TMEM44: variants seen among roughly 807,000 people sequenced by gnomAD.
TMEM44 encodes transmembrane protein 44.
Under a neutral mutation model 47.8 loss-of-function variants are expected in TMEM44, and 43 were observed. The ratio of observed to expected loss-of-function variants is 0.90; its 90% CI spans 0.70 to 1.16. The LOEUF is 1.16. Ranked by LOEUF, TMEM44 falls within the 50% of genes most tolerant of loss-of-function variation. TMEM44 has a pLI of 0.00. For missense variants in TMEM44, 568 were observed against 555.2 expected (o/e 1.02, Z -0.23); for synonymous variants, 277 against 238.8 (o/e 1.16, Z -1.48).
intron 5 of TMEM44, among the ~76,000 whole-genome samples, chr3:194,619,250 G>A (rs1383050692): frequency 6.6e-6 from 1 of 152,230 alleles, no homozygotes; most frequent in South Asian, 2.1e-4. Flanking sequence ...GGTCAGTCCT[G>A]GGGCCGACCC....
chr3:194,623,247 G>A lies in TMEM44; in HGVS notation c.589C>T (p.Arg197Trp), dbSNP rs929714156. 7.4e-6 allele frequency: 12 copies of A among 1,610,796 alleles called. No homozygotes were observed. The highest frequency in any genetic ancestry group is 4.5e-5 in the East Asian group (2 of 44,766). ...SVAAFGSWAS[R>W]IPPLSRICRG... ...ACAATTCTGGAGAGAGGGGGGATCC[G>A]AGAAGCCCAGGAGCCAAAGGCAGCA... Residue 197 changes from arginine (R) to tryptophan (W), a missense_variant, in exon 5 of 10, where the codon CGG (arginine) becomes TGG (tryptophan). Physicochemically the swap from Arg to Trp is moderately radical, Grantham distance 101. Coordinates refer to ENST00000347147, the MANE Select transcript of TMEM44 (RefSeq NM_001011655.3).
In TMEM44 at chr3:194,592,000, T is replaced by C. The variant is rs1228349385; in HGVS notation, c.1177-3361A>G. 2.6e-5 allele frequency among the ~76,000 whole-genome samples: 4 copies of C among 152,012 alleles called. No individual in the cohort carries two copies. The East Asian group carries it at 7.8e-4, about 30-fold the overall frequency. ...TTGGGAGGCCGAGGCGGGTGGATCATGAGGTCAGGAGATCGAGACCATCCT... is the reference window on the plus strand; with the variant it reads ...TTGGGAGGCCGAGGCGGGTGGATCACGAGGTCAGGAGATCGAGACCATCCT... On this transcript the variant is annotated intron_variant, in intron 9 of 9. Coordinates refer to ENST00000347147, the MANE Select transcript of TMEM44 (RefSeq NM_001011655.3).
At chr3:194,609,681 C>T (rs920960400) in intron 8 of TMEM44, among the ~76,000 whole-genome samples, 1 of 152,096 alleles carries the variant, frequency 6.6e-6, no homozygotes, top group African/African-American at 2.4e-5. Context: ...CTGCCTCCCT[C>T]ACCCGCACCT....
chr3:194,625,333 C>A lies in TMEM44; in HGVS notation c.358+564G>T, dbSNP rs370310666. 7.2e-5 allele frequency among the ~76,000 whole-genome samples: 11 copies of A among 152,236 alleles called. No individual in the cohort carries two copies. In the South Asian group the frequency reaches 2.3e-3, roughly 32 times the overall value. ...GTGGCCCCAGCTCTAGTGCCCCATGCTTCCTTGACACCAGCAGCCCTTCCC... is the reference window on the plus strand; with the variant it reads ...GTGGCCCCAGCTCTAGTGCCCCATGATTCCTTGACACCAGCAGCCCTTCCC... On this transcript the variant is annotated intron_variant, in intron 3 of 9. Transcript: ENST00000347147.
At chr3:194,598,782 G>A (rs879380172) in intron 9 of TMEM44, among the ~76,000 whole-genome samples, 1 of 152,170 alleles carries the variant, frequency 6.6e-6, no homozygotes, top group Admixed American at 6.5e-5. Flanking sequence ...CCAAGAACTT[G>A]GACATAAAAC....
At chr3:194,627,648 G>A (rs1717319024) in intron 2 of TMEM44, among the ~76,000 whole-genome samples, 1 of 152,128 alleles carries the variant, frequency 6.6e-6, no homozygotes, top group African/African-American at 2.4e-5. Context: ...CCTTGCCCTT[G>A]TAGAGCTGAC....
chr3:194,591,312 G>C (rs968324652), intron 9 of TMEM44, among the ~76,000 whole-genome samples: 17 of 151,984 alleles, frequency 1.1e-4, no homozygotes, highest in African/African-American at 4.1e-4. Flanking sequence ...GGCCAACATG[G>C]TGAAACCCCA....
At chr3:194,606,526 G>C (rs948963372) in intron 8 of TMEM44, among the ~76,000 whole-genome samples, 1 of 152,056 alleles carries the variant, frequency 6.6e-6, no homozygotes, top group Non-Finnish European at 1.5e-5. Context: ...TCCCTGAATC[G>C]GGCAGGCTTA....
At chr3:194,628,074 C>T (rs1270890802) in intron 2 of TMEM44, among the ~76,000 whole-genome samples, 2 of 152,176 alleles carry the variant, frequency 1.3e-5, no homozygotes, top group African/African-American at 2.4e-5. Context: ...TCTGGATTCC[C>T]TTATTCTAAT....
Position 194,633,156 on chromosome 3 carries a change from G to A in TMEM44, c.60C>T (p.Cys20=). ...ALWDWDYLDR[C]FARHRVCISF... ...AGATGCAGACGCGGTGGCGGGCGAA[G>A]CAGCGGTCCAGGTAGTCCCAGTCCC... is the stretch of plus-strand genomic sequence containing the variant. The change falls in exon 1 of 10, where the codon TGC becomes TGT. Residue 20 remains cysteine, a synonymous_variant. Transcript: ENST00000347147. 1 of 1,549,062 alleles carries A rather than the reference G, an allele frequency of 6.5e-7. No individual in the cohort carries two copies.
intron 1 of TMEM44, among the ~76,000 whole-genome samples, chr3:194,630,720 G>A (rs574850237): frequency 1.1e-4 from 16 of 146,958 alleles, no homozygotes; most frequent in East Asian, 6.1e-4. Flanking sequence ...ATACGCTGTC[G>A]TACCTGCCTC....
In TMEM44 at chr3:194,591,066, C is replaced by T. The variant is rs544496747; in HGVS notation, c.1177-2427G>A. Reference sequence around the variant, plus strand: ...AAAATTAGCCAAGTATAGTGGTGGGCGCCCGTAATCCCAGCTACTTGGGAG... The same window carrying T: ...AAAATTAGCCAAGTATAGTGGTGGGTGCCCGTAATCCCAGCTACTTGGGAG... On this transcript the variant is annotated intron_variant, in intron 9 of 9. Coordinates refer to ENST00000347147, the MANE Select transcript of TMEM44 (RefSeq NM_001011655.3). Among the ~76,000 whole-genome samples, 205 of 150,570 alleles carry T rather than the reference C, an allele frequency of 1.4e-3. 1 individual carries two copies. The highest frequency in any genetic ancestry group is 4.4e-3 in the South Asian group (21 of 4,744).
intron 8 of TMEM44, among the ~76,000 whole-genome samples, chr3:194,607,093 G>A (rs1050771931): frequency 1.3e-5 from 2 of 152,218 alleles, no homozygotes; most frequent in African/African-American, 2.4e-5. Context: ...AGTGTTGGAA[G>A]TGGGGCCTGG....
chr3:194,623,500 G>A lies in TMEM44; in HGVS notation c.525+29C>T, dbSNP rs774919654. On this transcript the variant is annotated intron_variant, in intron 4 of 9. Coordinates refer to ENST00000347147, the MANE Select transcript of TMEM44 (RefSeq NM_001011655.3). ...CATTTGGCAGGACATGCAGTACCCC[G>A]AGTCCTCCCCACGGTGGCCCAGCCT... The A allele has an allele frequency of 4.1e-5, 64 of 1,559,522 alleles. 1 individual carries two copies. Among genetic ancestry groups the A allele is most frequent in the Middle Eastern group, 1.7e-4 (1 of 5,826 alleles).
chr3:194,625,823 A>T (rs1307475517), intron 3 of TMEM44, 74 bp downstream of exon 3: 7 of 1,345,812 alleles, frequency 5.2e-6, no homozygotes, highest in Non-Finnish European at 7.4e-6. Flanking sequence ...TCTGGGAGTG[A>T]TAAGGAGTAG....
At chr3:194,593,028 T>C in intron 9 of TMEM44, 2 of 1,613,808 alleles carry the variant, frequency 1.2e-6, no homozygotes, top group South Asian at 2.2e-5. Flanking sequence ...AGAAAGAGCA[T>C]GATCGTCCAT....
chr3:194,631,233 T>C (rs1717795152), intron 1 of TMEM44, among the ~76,000 whole-genome samples: 1 of 152,312 alleles, frequency 6.6e-6, no homozygotes, highest in African/African-American at 2.4e-5. Context: ...CCGAAGGGGC[T>C]GGCTGTTTCT....
intron 5 of TMEM44, chr3:194,617,631 C>T (rs1435786788): frequency 1.4e-6 from 1 of 703,488 alleles, no homozygotes; most frequent in Non-Finnish European, 2.6e-6. Flanking sequence ...GGCAGGGGTC[C>T]TCACCATCTC....
At chr3:194,610,759 G>C (rs139577243) in intron 8 of TMEM44, among the ~76,000 whole-genome samples, 157 bp downstream of exon 8, 209 of 152,216 alleles carry the variant, frequency 1.4e-3, no homozygotes, top group African/African-American at 4.6e-3. Context: ...CCCCATATCT[G>C]CCCCTCCACT....
Sources: allele counts gnomAD v4.1 joint callset (sites outside exome capture counted in the v4.1 genomes callset), GRCh38; gene constraint gnomAD v4.1.1; transcripts MANE v1.5; gene names NCBI Gene and HGNC (gene_info 2026-07-23, HGNC 2026-07-21).